ASB7: variants seen among roughly 807,000 people sequenced by gnomAD.
ASB7 encodes ankyrin repeat and SOCS box protein 7.
ASB7 carries 4 observed loss-of-function variants against 32.5 expected under a neutral mutation model. The ratio of observed to expected loss-of-function variants is 0.12; its 90% CI spans 0.06 to 0.28. The LOEUF is 0.28. ASB7 is among the 10% of genes least tolerant of loss of function. The probability of loss-of-function intolerance (pLI) is 1.00; values close to 1 mark genes in which losing one functional copy is unlikely to be tolerated. For synonymous variants in ASB7, 172 were observed against 155.6 expected, an observed-to-expected ratio of 1.11 and a Z score of -0.78; for missense variants, 181 against 407.1, an observed-to-expected ratio of 0.44 and a Z score of 4.78.
intron 3 of ASB7, among the ~76,000 whole-genome samples, chr15:100,610,232 C>G (rs1015951771): frequency 6.6e-6 from 1 of 151,960 alleles, no homozygotes; most frequent in Non-Finnish European, 1.5e-5. Context: ...CAGTGGCTCA[C>G]GCCTGTAATC....
intron 5 of ASB7, among the ~76,000 whole-genome samples, chr15:100,648,101 TG>T (rs2141410126): frequency 6.6e-6 from 1 of 152,332 alleles, no homozygotes; most frequent in Admixed American, 6.5e-5. Context: ...GTTTTCTTAT[TG>T]GTAAAATGGA....
At chr15:100,628,126 C>T (rs1250404989) in intron 4 of ASB7, among the ~76,000 whole-genome samples, 1 of 152,206 alleles carries the variant, frequency 6.6e-6, no homozygotes, top group Admixed American at 6.5e-5. Flanking sequence ...ATAGATACAA[C>T]TAATACTACC....
chr15:100,631,488 G>GCTGCAGTC (rs1028959434), intron 5 of ASB7, among the ~76,000 whole-genome samples: 2 of 152,188 alleles, frequency 1.3e-5, no homozygotes, highest in African/African-American at 4.8e-5. Flanking sequence ...TACCCGCAGT[G>GCTGCAGTC]CTGCAGTCCT....
intron 5 of ASB7, among the ~76,000 whole-genome samples, chr15:100,632,918 C>T (rs981170148): frequency 1.3e-5 from 2 of 150,760 alleles, no homozygotes; most frequent in African/African-American, 4.9e-5. Flanking sequence ...CTGCTTGTGA[C>T]TTGTTAGTGC....
chr15:100,609,414 A>G (rs2039675163), intron 2 of ASB7: 1 of 152,222 alleles, frequency 6.6e-6, no homozygotes, highest in Non-Finnish European at 1.5e-5. Flanking sequence ...AGGAAAATGA[A>G]GAATCTATGC....
chr15:100,622,131 C>T (rs2039797555), intron 4 of ASB7, among the ~76,000 whole-genome samples: 1 of 151,372 alleles, frequency 6.6e-6, no homozygotes, highest in African/African-American at 2.4e-5. Flanking sequence ...AAATCAGTAG[C>T]ATTTCTATAT....
intron 5 of ASB7, among the ~76,000 whole-genome samples, chr15:100,642,305 T>C (rs2141407059): frequency 6.6e-6 from 1 of 152,316 alleles, no homozygotes; most frequent in South Asian, 2.1e-4. Flanking sequence ...CATCTTATCA[T>C]AGACAGTGAA....
Position 100,651,256 on chromosome 15 carries a change from T to G in ASB7, c.*2794T>G, listed in dbSNP as rs1282396689. ...ATGTACAGCAGAGTAAGAGTGTTTTTTAGATTATTTAATTCCCATATTTCT... is the reference window on the plus strand; with the variant it reads ...ATGTACAGCAGAGTAAGAGTGTTTTGTAGATTATTTAATTCCCATATTTCT... On this transcript the variant is annotated 3_prime_UTR_variant, in exon 6 of 6. Coordinates refer to ENST00000332783, the MANE Select transcript of ASB7 (RefSeq NM_198243.3). 6.6e-6 allele frequency: 1 copy of G among 152,164 alleles called. No individual in the cohort carries two copies. Among genetic ancestry groups the G allele is most frequent in the Non-Finnish European group, 1.5e-5 (1 of 68,012 alleles). The allele number at this position is 152,164 out of a possible 1,614,324, so 9.4% of individuals were successfully genotyped here. A position where few individuals can be genotyped will look rare whatever the true frequency, so the allele number is the denominator to read the frequency against.
chr15:100,628,420 T>A (rs1183480788), intron 4 of ASB7, among the ~76,000 whole-genome samples: 1 of 152,244 alleles, frequency 6.6e-6, no homozygotes. Flanking sequence ...GTGTAAAACA[T>A]TAATGATTTT....
At chr15:100,646,564 A>G (rs2039998389) in intron 5 of ASB7, 2 of 394,692 alleles carry the variant, frequency 5.1e-6, no homozygotes, top group Non-Finnish European at 1.0e-5. Context: ...ACTAAGGTCA[A>G]CACTTTAAGA....
At chr15:100,630,072 T>C (rs757031728) in intron 5 of ASB7, 30 bp downstream of exon 5, 2 of 1,514,506 alleles carry the variant, frequency 1.3e-6, no homozygotes, top group South Asian at 2.7e-5. Context: ...CTTTATTGCA[T>C]TTTTTAAAAA....
intron 5 of ASB7, chr15:100,646,553 TACTAAGGTC>T: frequency 2.5e-6 from 1 of 401,940 alleles, no homozygotes; most frequent in East Asian, 6.1e-5. Flanking sequence ...TTGATGATGT[TACTAAGGTC>T]AACACTTTAA....
chr15:100,645,563 G>A (rs2039992151), intron 5 of ASB7: 3 of 694,150 alleles, frequency 4.3e-6, no homozygotes, highest in South Asian at 4.1e-5. Flanking sequence ...ACAACTTCTT[G>A]AATCCCACAG....
At chr15:100,627,465 A>C (rs2039849365) in intron 4 of ASB7, among the ~76,000 whole-genome samples, 1 of 152,210 alleles carries the variant, frequency 6.6e-6, no homozygotes, top group Admixed American at 6.5e-5. Flanking sequence ...TCATGGGCTA[A>C]TAATCTTTAA....
intron 4 of ASB7, among the ~76,000 whole-genome samples, chr15:100,617,030 T>C (rs557591164): frequency 7.1e-4 from 108 of 152,332 alleles, no homozygotes; most frequent in Middle Eastern, 3.4e-3. Context: ...AAACCATCCT[T>C]GGTACCTTTT....
At chr15:100,635,566 C>T (rs1043855271) in intron 5 of ASB7, among the ~76,000 whole-genome samples, 6 of 152,160 alleles carry the variant, frequency 3.9e-5, no homozygotes, top group African/African-American at 9.7e-5. Context: ...GTTTCTGTCC[C>T]GTGTCTTGGC....
rs535112509 is a variant in ASB7 at position 100,607,915 on chromosome 15, A to G, written c.-173-1792A>G. Among the ~76,000 whole-genome samples the G allele has an allele frequency of 2.6e-5, 4 of 152,248 alleles. No individual in the cohort carries two copies. In the East Asian group the frequency reaches 7.7e-4, roughly 29 times the overall value. On this transcript the variant is annotated intron_variant, in intron 2 of 5. Transcript: ENST00000332783. ...TTGATATTGTTAATAAATTAACACC[A>G]TTTCCTATTCTGCTCAGCTCTCATG...
intron 5 of ASB7, among the ~76,000 whole-genome samples, chr15:100,637,992 T>G (rs2039935862): frequency 6.6e-6 from 1 of 150,608 alleles, no homozygotes. Flanking sequence ...TTTCAATTGA[T>G]TGTGGATTTT....
chr15:100,628,586 C>T (rs557533869), intron 4 of ASB7, among the ~76,000 whole-genome samples: 3 of 152,256 alleles, frequency 2.0e-5, no homozygotes, highest in East Asian at 3.9e-4. Context: ...CTGCCCCCAG[C>T]CAGGGATGCC....
Sources: allele counts gnomAD v4.1 joint callset (sites outside exome capture counted in the v4.1 genomes callset), GRCh38; gene constraint gnomAD v4.1.1; transcripts MANE v1.5; gene names NCBI Gene and HGNC (gene_info 2026-07-23, HGNC 2026-07-21).